Variants in RBFOX1 observed in about 807,000 individuals in gnomAD.
RBFOX1 encodes the protein RNA binding protein fox-1 homolog 1.
RBFOX1 carries 8 observed loss-of-function variants against 57.7 expected under a neutral mutation model. The observed-to-expected ratio is 0.14, with a 90% CI of 0.08 to 0.25. RBFOX1 has a LOEUF of 0.25. Ranked by LOEUF, RBFOX1 falls within the 10% of genes least tolerant of loss-of-function variation. The pLI, the probability that RBFOX1 is intolerant of heterozygous loss-of-function variation, is 1.00. For missense variants in RBFOX1, 611 were observed against 548.5 expected (o/e 1.11, Z -1.14); for synonymous variants, 326 against 222.4 (o/e 1.47, Z -4.15).
chr16:5,812,681 C>G (rs975861062), intron 3 of RBFOX1, among the ~76,000 whole-genome samples: 1 of 152,110 alleles, frequency 6.6e-6, no homozygotes, highest in Non-Finnish European at 1.5e-5. Flanking sequence ...ACGTTGGTCT[C>G]AAACTCCTGG....
intron 3 of RBFOX1, among the ~76,000 whole-genome samples, chr16:6,678,090 C>G (rs1275007863): frequency 6.6e-6 from 1 of 152,270 alleles, no homozygotes; most frequent in African/African-American, 2.4e-5. Flanking sequence ...CCAAAGTATT[C>G]TCATCATCTA....
chr16:6,197,536 T>C (rs1470315754), intron 1 of RBFOX1, among the ~76,000 whole-genome samples: 1 of 147,790 alleles, frequency 6.8e-6, no homozygotes, highest in Non-Finnish European at 1.5e-5. Context: ...CTATAATTTC[T>C]TGAACTCAAC....
chr16:5,353,776 C>A (rs538126869), intron 1 of RBFOX1, among the ~76,000 whole-genome samples: 1 of 151,712 alleles, frequency 6.6e-6, no homozygotes, highest in South Asian at 2.1e-4. Context: ...CGAGTGCTCC[C>A]TTAGGACGTC....
intron 4 of RBFOX1, among the ~76,000 whole-genome samples, chr16:5,969,799 T>C (rs2059927731): frequency 6.6e-6 from 1 of 152,026 alleles, no homozygotes; most frequent in South Asian, 2.1e-4. Flanking sequence ...TATTTGGACT[T>C]TGTTTCATTT....
At chr16:6,878,165 A>T (rs17235202) in intron 3 of RBFOX1, among the ~76,000 whole-genome samples, 2 of 151,950 alleles carry the variant, frequency 1.3e-5, no homozygotes, top group Admixed American at 6.6e-5. Context: ...CAATGTAAAT[A>T]CTTCCACTTC....
At chr16:6,701,373 TACTG>T (rs1360576233) in intron 3 of RBFOX1, among the ~76,000 whole-genome samples, 8 of 152,362 alleles carry the variant, frequency 5.3e-5, no homozygotes, top group African/African-American at 1.9e-4. Context: ...ACCATCATCT[TACTG>T]ACTCCACAAA....
At chr16:5,638,669 G>T (rs575818381) in intron 3 of RBFOX1, among the ~76,000 whole-genome samples, 3 of 152,288 alleles carry the variant, frequency 2.0e-5, no homozygotes, top group Admixed American at 6.5e-5. Flanking sequence ...GGGGAGGATT[G>T]GAATGGGTTA....
chr16:6,817,050 T>C (rs1346174152), intron 3 of RBFOX1, among the ~76,000 whole-genome samples: 1 of 152,134 alleles, frequency 6.6e-6, no homozygotes, highest in Non-Finnish European at 1.5e-5. Flanking sequence ...GCTCAGCCTC[T>C]TTGACATAAT....
At chr16:6,813,643 G>A (rs545540131) in intron 3 of RBFOX1, among the ~76,000 whole-genome samples, 2 of 152,220 alleles carry the variant, frequency 1.3e-5, no homozygotes, top group East Asian at 3.9e-4. Context: ...AGTAGGGGGT[G>A]GATGCAATTC....
At chr16:6,375,580 G>T (rs11861525) in intron 2 of RBFOX1, among the ~76,000 whole-genome samples, 3,247 of 152,126 alleles carry the variant, frequency 0.021, 130 homozygotes, top group African/African-American at 0.074. Context: ...GACCCCTGTG[G>T]ATTCTCTGCC....
chr16:6,345,195 G>C (rs564839796), intron 2 of RBFOX1, among the ~76,000 whole-genome samples: 5 of 152,248 alleles, frequency 3.3e-5, no homozygotes, highest in Admixed American at 2.0e-4. Flanking sequence ...TTGGCGCTGC[G>C]TCCAGGAGGG....
At chr16:6,769,647 A>G (rs758057754) in intron 3 of RBFOX1, among the ~76,000 whole-genome samples, 1 of 152,218 alleles carries the variant, frequency 6.6e-6, no homozygotes, top group African/African-American at 2.4e-5. Context: ...GCTCTAATGT[A>G]TAATACGAGT....
At chr16:5,447,360 A>C (rs945568035) in intron 1 of RBFOX1, among the ~76,000 whole-genome samples, 3 of 135,436 alleles carry the variant, frequency 2.2e-5, no homozygotes, top group South Asian at 2.4e-4. Flanking sequence ...TCATCATTCA[A>C]TGTCAATCAA....
At chr16:7,007,965 A>C (rs1209481188) in intron 3 of RBFOX1, among the ~76,000 whole-genome samples, 1 of 152,184 alleles carries the variant, frequency 6.6e-6, no homozygotes, top group African/African-American at 2.4e-5. Flanking sequence ...TGAAATGGCA[A>C]CAGATTTCAG....
At position 5,999,256 on chromosome 16, in the gene RBFOX1, A is replaced by G. The variant is rs140983479; in HGVS notation, c.351+131921A>G. ...CCTTATCTCTACCACAGGGCCTTTG[A>G]ACATACTTTTCTGACTGCCTAGAAT... On this transcript the variant is annotated intron_variant, in intron 4 of 19. Transcript: ENST00000641259. Among the ~76,000 whole-genome samples the G allele has an allele frequency of 1.4e-3, 206 of 152,242 alleles. 4 individuals carry two copies. The East Asian group carries it at 0.028, about 21-fold the overall frequency.
At chr16:7,613,633 G>T (rs1005000869) in intron 10 of RBFOX1, among the ~76,000 whole-genome samples, 1 of 152,016 alleles carries the variant, frequency 6.6e-6, no homozygotes. Flanking sequence ...CCATACCAAA[G>T]GTATTGGTTT....
intron 4 of RBFOX1, among the ~76,000 whole-genome samples, chr16:7,098,367 G>T (rs548681628): frequency 6.6e-6 from 1 of 151,970 alleles, no homozygotes. Flanking sequence ...ATGGGGTTTC[G>T]CCATTTTAGC....
intron 2 of RBFOX1, among the ~76,000 whole-genome samples, chr16:5,531,094 C>G (rs1229914875): frequency 6.6e-6 from 1 of 152,028 alleles, no homozygotes; most frequent in Non-Finnish European, 1.5e-5. Flanking sequence ...CACTGCACTC[C>G]AGCCTGGGTG....
At chr16:7,651,170 G>C (rs1410399459) in intron 11 of RBFOX1, among the ~76,000 whole-genome samples, 1 of 152,202 alleles carries the variant, frequency 6.6e-6, no homozygotes, top group African/African-American at 2.4e-5. Flanking sequence ...CATTGTGATA[G>C]AAAGATGCGG....
Sources: allele counts gnomAD v4.1 joint callset (sites outside exome capture counted in the v4.1 genomes callset), GRCh38; gene constraint gnomAD v4.1.1; transcripts MANE v1.5; gene names NCBI Gene and HGNC (gene_info 2026-07-23, HGNC 2026-07-21).